Variants in STK10 observed in about 807,000 individuals in gnomAD.
The protein encoded by STK10 is serine/threonine kinase 10, also known as serine/threonine-protein kinase 10.
A neutral mutation model predicts 113.8 loss-of-function variants in STK10; 78 were observed. The observed-to-expected ratio is 0.69, with a 90% CI of 0.57 to 0.83. The LOEUF is 0.83. STK10 is among the 40% of genes least tolerant of loss of function. The pLI is 0.00. For missense variants in STK10, 1,109 were observed against 1,280.1 expected (o/e 0.87, Z 2.04); for synonymous variants, 465 against 494.7 (o/e 0.94, Z 0.80).
intron 12 of STK10, among the ~76,000 whole-genome samples, chr5:172,065,945 G>A (rs992192028): frequency 6.6e-6 from 1 of 152,146 alleles, no homozygotes; most frequent in African/African-American, 2.4e-5. Flanking sequence ...GCTGGGATTG[G>A]GTTTCTGTCT....
chr5:172,064,452 T>C (rs1404164001), intron 13 of STK10: 6 of 529,284 alleles, frequency 1.1e-5, no homozygotes, highest in Admixed American at 9.4e-5. Context: ...TAAAACAAGG[T>C]AGGAGGTGCT....
intron 13 of STK10, 38 bp downstream of exon 13, chr5:172,064,682 C>T: frequency 6.2e-7 from 1 of 1,609,368 alleles, no homozygotes; most frequent in Non-Finnish European, 8.5e-7. Context: ...AGGTCTCGCA[C>T]CAGCCCCTGC....
At chr5:172,087,965 A>T (rs62381960) in intron 10 of STK10, among the ~76,000 whole-genome samples, 1 of 151,024 alleles carries the variant, frequency 6.6e-6, no homozygotes, top group African/African-American at 2.4e-5. Flanking sequence ...TTGCTCTGTT[A>T]CCCAGGCTGG....
At chr5:172,045,828 T>C (rs1767484432) in intron 18 of STK10, among the ~76,000 whole-genome samples, 1 of 151,964 alleles carries the variant, frequency 6.6e-6, no homozygotes, top group African/African-American at 2.4e-5. Context: ...TAGCTGGGAT[T>C]ACAGGCACCT....
intron 4 of STK10, among the ~76,000 whole-genome samples, chr5:172,112,416 CTTTTTT>C (rs1159424183): frequency 1.9e-5 from 2 of 103,074 alleles, no homozygotes; most frequent in Non-Finnish European, 3.9e-5. Context: ...AGGGACCTTA[CTTTTTT>C]TTTTTTTTTT....
chr5:172,126,229 A>G (rs927588716), intron 3 of STK10, among the ~76,000 whole-genome samples: 5 of 152,190 alleles, frequency 3.3e-5, no homozygotes, highest in Non-Finnish European at 7.3e-5. Context: ...CTGGGTTCAC[A>G]GCTCTCCTGT....
intron 2 of STK10, among the ~76,000 whole-genome samples, chr5:172,143,659 G>A (rs971427196): frequency 6.4e-4 from 98 of 152,162 alleles, no homozygotes; most frequent in Non-Finnish European, 2.4e-4. Context: ...CTGAGCCTCC[G>A]CTGTTTTCCC....
At chr5:172,119,678 A>C (rs7707081) in intron 3 of STK10, among the ~76,000 whole-genome samples, 41,976 of 148,390 alleles carry the variant, frequency 0.28, 8,235 homozygotes, top group African/African-American at 0.56. Context: ...TCCTGGCTAA[A>C]ACGGTGAAAC....
At chr5:172,149,071 G>C (rs1281762483) in intron 2 of STK10, among the ~76,000 whole-genome samples, 1 of 152,204 alleles carries the variant, frequency 6.6e-6, no homozygotes, top group Non-Finnish European at 1.5e-5. Flanking sequence ...GGAGGCTAAG[G>C]AGGGAGGATT....
chr5:172,094,291 G>T (rs968685171), intron 8 of STK10, among the ~76,000 whole-genome samples: 4 of 152,190 alleles, frequency 2.6e-5, no homozygotes, highest in Non-Finnish European at 5.9e-5. Context: ...CCAGCCAATT[G>T]TGACAATGTG....
At chr5:172,098,951 T>A (rs372152894) in intron 7 of STK10, among the ~76,000 whole-genome samples, 1 of 139,754 alleles carries the variant, frequency 7.2e-6, no homozygotes, top group Non-Finnish European at 1.5e-5. Context: ...ACCACCACCA[T>A]CATCACCTTC....
rs138519789 is a variant in STK10, at chr5:172,098,191, C to T, written c.871-1631G>A. On this transcript the variant is annotated intron_variant, in intron 7 of 18. Transcript: ENST00000176763. Reference sequence around the variant, plus strand: ...TAGCACCTGGAAAACACATTCAGAACGTATATGTTCATCACAAATCATTCT... The same window carrying T: ...TAGCACCTGGAAAACACATTCAGAATGTATATGTTCATCACAAATCATTCT... Among the ~76,000 whole-genome samples the T allele has an allele frequency of 2.9e-3, 445 of 152,320 alleles. 3 individuals carry two copies. The highest frequency in any genetic ancestry group is 5.2e-3 in the Non-Finnish European group (356 of 68,036).
Position 172,044,751 on chromosome 5 carries a change from C to T in STK10, c.*131G>A. On this transcript the variant is annotated 3_prime_UTR_variant, in exon 19 of 19. Coordinates refer to ENST00000176763, the MANE Select transcript of STK10 (RefSeq NM_005990.4). This position sits in a 1 kb window ranked among gnomAD's most constrained non-coding sequence, Gnocchi z 4.5. ...TCTATCAGGCACAGTTGGGGTGGCA[C>T]AGGGCGAGGGGCTGGATTTGAGCTG... The T allele has an allele frequency of 6.7e-7, 1 of 1,492,576 alleles. No individual in the cohort carries two copies. The highest frequency in any genetic ancestry group is 9.2e-7 in the Non-Finnish European group (1 of 1,090,048). 92.5% of individuals were successfully genotyped at this position (1,492,576 alleles called of 1,614,324 possible). A position where few individuals can be genotyped will look rare whatever the true frequency, so the allele number is the denominator to read the frequency against.
chr5:172,111,433 G>A (rs1037682716), intron 4 of STK10, among the ~76,000 whole-genome samples: 3 of 152,176 alleles, frequency 2.0e-5, no homozygotes, highest in South Asian at 2.1e-4. Flanking sequence ...CCTCAGGCAC[G>A]CACCAGCCAG....
chr5:172,101,471 A>C (rs974079707), intron 7 of STK10, among the ~76,000 whole-genome samples: 1 of 116,732 alleles, frequency 8.6e-6, no homozygotes, highest in African/African-American at 6.2e-5. Context: ...CTCCGTCTCC[A>C]AAAAAAAAAA....
Position 172,081,702 on chromosome 5 carries a change from A to T in STK10, c.1989+624T>A, listed in dbSNP as rs149416302. On this transcript the variant is annotated intron_variant, in intron 12 of 18. Transcript: ENST00000176763. ...TGAGGACCACCCTCAGAGGCTGCTCATCCACTGCTACCAGTTGGGAGACTG... is the reference window on the plus strand; with the variant it reads ...TGAGGACCACCCTCAGAGGCTGCTCTTCCACTGCTACCAGTTGGGAGACTG... Among the ~76,000 whole-genome samples the T allele has an allele frequency of 3.4e-3, 516 of 152,238 alleles. 5 individuals are homozygous for T. Among genetic ancestry groups the T allele is most frequent in the Non-Finnish European group, 5.8e-3 (392 of 67,990 alleles).
At chr5:172,152,249 C>T (rs1037570515) in intron 2 of STK10, among the ~76,000 whole-genome samples, 1 of 152,210 alleles carries the variant, frequency 6.6e-6, no homozygotes, top group South Asian at 2.1e-4. Flanking sequence ...TTAATGACAT[C>T]GAGTTGGTAG....
intron 1 of STK10, among the ~76,000 whole-genome samples, chr5:172,174,383 G>A (rs920826210): frequency 6.6e-6 from 1 of 152,028 alleles, no homozygotes; most frequent in African/African-American, 2.4e-5. Flanking sequence ...TATTGGCCAG[G>A]CTGGTCTCGA....
At position 172,131,067 on chromosome 5, in the gene STK10, T is replaced by G. The variant is rs1039701256; in HGVS notation, c.322-3646A>C. Among the ~76,000 whole-genome samples, 8 of 129,882 alleles carry G rather than the reference T, an allele frequency of 6.2e-5. No individual in the cohort carries two copies. The South Asian group carries it at 1.0e-3, about 17-fold the overall frequency. 85.2% of individuals were successfully genotyped at this position (129,882 alleles called of 152,430 possible). A position where few individuals can be genotyped will look rare whatever the true frequency, so the allele number is the denominator to read the frequency against. ...TTTTTTTTTTTTGACAGAGTCTCAC[T>G]CTGTTGCCCAGGCTGGAGTGCAGTG... On this transcript the variant is annotated intron_variant, in intron 2 of 18. Transcript: ENST00000176763.
Sources: gnomAD v4.1 joint callset for allele counts (sites outside exome capture counted in the v4.1 genomes callset) on GRCh38, gnomAD v4.1.1 for gene constraint, Gnocchi (gnomAD v3.1) non-coding constraint, MANE v1.5 for transcripts, NCBI Gene and HGNC (gene_info 2026-07-23, HGNC 2026-07-21) for gene names.